Variants in TRMT11 observed in about 807,000 individuals in gnomAD.
TRMT11 encodes tRNA methyltransferase 11.
Under a neutral mutation model 62.8 loss-of-function variants are expected in TRMT11, and 53 were observed. The observed-to-expected ratio is 0.84, with a 90% CI of 0.68 to 1.06. The LOEUF (loss-of-function observed/expected upper bound fraction) is 1.06. Ranked by LOEUF, TRMT11 falls within the 50% of genes least tolerant of loss-of-function variation. The pLI, the probability that TRMT11 is intolerant of heterozygous loss-of-function variation, is 0.00. For synonymous variants in TRMT11, 188 were observed against 190.3 expected (o/e 0.99, Z 0.10); for missense variants, 556 against 553.4 (o/e 1.00, Z -0.05).
intron 21 of TRMT11, among the ~76,000 whole-genome samples, chr6:126,156,568 A>G (rs529549732): frequency 6.6e-6 from 1 of 152,324 alleles, no homozygotes; most frequent in East Asian, 1.9e-4. Flanking sequence ...AAGAAATACC[A>G]GAGACTGGGT....
intron 11 of TRMT11, among the ~76,000 whole-genome samples, chr6:126,017,631 A>C (rs1327523599): frequency 6.6e-6 from 1 of 151,980 alleles, no homozygotes; most frequent in African/African-American, 2.4e-5. Context: ...AAATCTAGTC[A>C]TTTTTCTAGG....
intron 21 of TRMT11, among the ~76,000 whole-genome samples, chr6:126,128,573 A>G (rs145466470): frequency 6.6e-6 from 1 of 152,234 alleles, no homozygotes; most frequent in East Asian, 1.9e-4. Context: ...ATATGTAAAT[A>G]TGTGTGTTTT....
chr6:126,042,307 G>A (rs190995847), downstream of TRMT11, among the ~76,000 whole-genome samples: 1 of 152,296 alleles, frequency 6.6e-6, no homozygotes, highest in African/African-American at 2.4e-5. Flanking sequence ...CACTGTGTGG[G>A]ATAAGCAAGT....
intron 21 of TRMT11, among the ~76,000 whole-genome samples, chr6:126,153,761 AC>A (rs1337448961): frequency 6.6e-6 from 1 of 152,226 alleles, no homozygotes; most frequent in African/African-American, 2.4e-5. Context: ...GTATCCACTC[AC>A]CACATCAGTC....
At chr6:126,168,614 G>C (rs995500950) in intron 21 of TRMT11, among the ~76,000 whole-genome samples, 30 of 152,196 alleles carry the variant, frequency 2.0e-4, no homozygotes, top group African/African-American at 7.0e-4. Context: ...TGCCTCCTGG[G>C]TTCAAGCGAT....
intron 17 of TRMT11, among the ~76,000 whole-genome samples, chr6:126,106,781 A>G (rs1357004689): frequency 6.6e-6 from 1 of 152,166 alleles, no homozygotes; most frequent in Admixed American, 6.5e-5. Flanking sequence ...GCATATATTA[A>G]GTATTCAATA....
the TRMT11 span, among the ~76,000 whole-genome samples, chr6:126,230,788 G>A: frequency 6.6e-6 from 1 of 151,984 alleles, no homozygotes; most frequent in Non-Finnish European, 1.5e-5. Flanking sequence ...TGTTATAAAT[G>A]TTTCTGATTT....
downstream of TRMT11, chr6:126,202,270 C>T (rs542160228): frequency 2.6e-4 from 40 of 152,198 alleles, no homozygotes; most frequent in African/African-American, 8.7e-4. Flanking sequence ...CATATTGTTG[C>T]CAACATAAAC....
At chr6:126,161,896 G>A (rs756581231) in intron 21 of TRMT11, among the ~76,000 whole-genome samples, 1 of 152,068 alleles carries the variant, frequency 6.6e-6, no homozygotes, top group Non-Finnish European at 1.5e-5. Context: ...TTTGAGAAGT[G>A]CCTGTTAATA....
At chr6:126,094,116 C>CACA (rs58906879) in intron 17 of TRMT11, among the ~76,000 whole-genome samples, 3 of 151,964 alleles carry the variant, frequency 2.0e-5, no homozygotes, top group African/African-American at 7.3e-5. Flanking sequence ...CACACACACA[C>CACA]CCCAAACTTA....
chr6:126,105,599 T>C (rs1238603560), intron 17 of TRMT11, among the ~76,000 whole-genome samples: 1 of 152,076 alleles, frequency 6.6e-6, no homozygotes, highest in Non-Finnish European at 1.5e-5. Flanking sequence ...AGATTGTTTT[T>C]TTTTTTTAGC....
At chr6:126,092,608 C>T (rs1777289128) in intron 17 of TRMT11, among the ~76,000 whole-genome samples, 1 of 152,062 alleles carries the variant, frequency 6.6e-6, no homozygotes, top group Admixed American at 6.5e-5. Context: ...GGTTTTCTAA[C>T]TTTGTTAGAT....
the TRMT11 span, among the ~76,000 whole-genome samples, chr6:126,214,486 T>C: frequency 1.3e-5 from 2 of 152,182 alleles, no homozygotes; most frequent in Non-Finnish European, 2.9e-5. Flanking sequence ...TCTAGCACTT[T>C]ATTCATTTCT....
chr6:126,262,507 G>C, the TRMT11 span, among the ~76,000 whole-genome samples: 2 of 152,168 alleles, frequency 1.3e-5, no homozygotes, highest in Non-Finnish European at 2.9e-5. Context: ...CAGGGATGGA[G>C]AGAGTCCATT....
At chr6:126,089,746 A>G (rs533102113) in intron 17 of TRMT11, among the ~76,000 whole-genome samples, 1 of 152,332 alleles carries the variant, frequency 6.6e-6, no homozygotes, top group South Asian at 2.1e-4. Context: ...GTCATTAGGA[A>G]TTTATGTCTA....
At position 126,168,538 on chromosome 6, in the gene TRMT11, A is replaced by G. The variant is rs544455296; in HGVS notation, c.*1824-6287A>G. On this transcript the variant is annotated intron_variant and NMD_transcript_variant, in intron 21 of 22. Coordinates refer to the TRMT11 transcript ENST00000648977. The stretch of plus-strand genomic sequence containing the variant: ...AAAGAGGTCTTATTTTATTTTTCCA[A>G]GAAGGAGTCTTGCTCTGTCACCCAG... Among the ~76,000 whole-genome samples, 8 of 152,288 alleles carry G rather than the reference A, an allele frequency of 5.3e-5. No individual in the cohort carries two copies. The South Asian group carries it at 1.7e-3, about 32-fold the overall frequency.
In TRMT11 at chr6:126,086,643, A is replaced by G. The variant is rs116556370; in HGVS notation, c.*1438-26223A>G. Among the ~76,000 whole-genome samples, 472 of 152,322 alleles carry G rather than the reference A, an allele frequency of 3.1e-3. 3 individuals carry two copies. Among genetic ancestry groups the G allele is most frequent in the African/African-American group, 0.011 (440 of 41,560 alleles). ...ATTTCCCTGCCTACAGTACTTCAGCAATTCCATGTTGTTACAGAGTTAAGT... is the reference window on the plus strand; with the variant it reads ...ATTTCCCTGCCTACAGTACTTCAGCGATTCCATGTTGTTACAGAGTTAAGT... On this transcript the variant is annotated intron_variant and NMD_transcript_variant, in intron 17 of 22. Transcript: ENST00000648977.
chr6:126,158,809 G>T (rs752076436), intron 21 of TRMT11, among the ~76,000 whole-genome samples: 6 of 152,058 alleles, frequency 3.9e-5, no homozygotes, highest in Non-Finnish European at 5.9e-5. Flanking sequence ...TCCTACAAAG[G>T]CCTCTCTCTC....
chr6:126,230,976 C>G, the TRMT11 span, among the ~76,000 whole-genome samples: 1 of 151,980 alleles, frequency 6.6e-6, no homozygotes, highest in Non-Finnish European at 1.5e-5. Context: ...AAGGTAAATC[C>G]ATATTTCAAA....
Sources: gnomAD v4.1 joint callset for allele counts (sites outside exome capture counted in the v4.1 genomes callset) on GRCh38, gnomAD v4.1.1 for gene constraint, MANE v1.5 for transcripts, NCBI Gene and HGNC (gene_info 2026-07-23, HGNC 2026-07-21) for gene names.